Variants in WDR59 observed in about 807,000 individuals in gnomAD.
WDR59 encodes WD repeat domain 59, also known as GATOR2 complex protein WDR59.
In WDR59, 100 loss-of-function variants were observed where a neutral mutation model predicts 131.2. That is an observed-to-expected ratio of 0.76 (90% CI 0.65 to 0.90). WDR59 has a LOEUF of 0.90. Ranked by LOEUF, WDR59 falls within the 40% of genes least tolerant of loss-of-function variation. The pLI, the probability that WDR59 is intolerant of heterozygous loss-of-function variation, is 0.00. For missense variants in WDR59, 1,203 were observed against 1,262.2 expected (o/e 0.95, Z 0.71); for synonymous variants, 601 against 466.2 (o/e 1.29, Z -3.72).
At chr16:74,902,197 T>C (rs974136853) in intron 18 of WDR59, among the ~76,000 whole-genome samples, 9 of 152,218 alleles carry the variant, frequency 5.9e-5, no homozygotes, top group Admixed American at 3.3e-4. Context: ...TATGAAATTA[T>C]AATCAAAGCA....
chr16:74,966,480 AAAAAATAAAT>A (rs2033782387), intron 1 of WDR59, among the ~76,000 whole-genome samples: 2 of 152,076 alleles, frequency 1.3e-5, no homozygotes, highest in African/African-American at 2.4e-5. Flanking sequence ...ACTCCATCTC[AAAAAATAAAT>A]AAAAATAAAT....
intron 14 of WDR59, among the ~76,000 whole-genome samples, chr16:74,911,253 A>T (rs1052015420): frequency 6.6e-6 from 1 of 152,202 alleles, no homozygotes; most frequent in African/African-American, 2.4e-5. Context: ...GTATGTCCAA[A>T]CTAGGCAACG....
rs1183338470 is a variant in WDR59 at position 74,872,583 on chromosome 16, A to AAT, written c.*1624_*1625dup. On this transcript the variant is annotated 3_prime_UTR_variant, in exon 26 of 26. Coordinates refer to ENST00000262144, the MANE Select transcript of WDR59 (RefSeq NM_030581.4). Reference sequence around the variant, plus strand: ...TCTCTCTCTAAAAAAAAAAAAAAAAAATTTAACTTTAAAAAAGAAAATCAT... The same window carrying AAT: ...TCTCTCTCTAAAAAAAAAAAAAAAAAATATTTAACTTTAAAAAAGAAAATCAT... The AAT allele has an allele frequency of 6.6e-6, 1 of 151,884 alleles. No individual in the cohort carries two copies. The highest frequency in any genetic ancestry group is 1.5e-5 in the Non-Finnish European group (1 of 68,018). The allele number at this position is 151,884 out of a possible 1,614,324, so 9.4% of individuals were successfully genotyped here. A position where few individuals can be genotyped will look rare whatever the true frequency, so the allele number is the denominator to read the frequency against.
Position 74,888,877 on chromosome 16 carries a change from T to C in WDR59, c.2196-558A>G, listed in dbSNP as rs114422776. Among the ~76,000 whole-genome samples, 797 of 152,326 alleles carry C rather than the reference T, an allele frequency of 5.2e-3. 9 individuals carry two copies. The highest frequency in any genetic ancestry group is 0.018 in the African/African-American group (759 of 41,572). ...TGTCCTTTAGGTACTCATATCCCCT[T>C]TGTCCTTTCAGGAAGATTATGCTAG... On this transcript the variant is annotated intron_variant, in intron 21 of 25. Transcript: ENST00000262144.
intron 8 of WDR59, among the ~76,000 whole-genome samples, chr16:74,930,168 T>C (rs1342774573): frequency 6.6e-6 from 1 of 152,192 alleles, no homozygotes; most frequent in Non-Finnish European, 1.5e-5. Flanking sequence ...TAATTTATTG[T>C]ACATTTAAGA....
At chr16:74,957,931 A>G (rs937556037) in intron 2 of WDR59, among the ~76,000 whole-genome samples, 1 of 152,230 alleles carries the variant, frequency 6.6e-6, no homozygotes, top group Non-Finnish European at 1.5e-5. Context: ...ATTTCACAGA[A>G]TTTCCAGGAC....
At position 74,874,329 on chromosome 16, in the gene WDR59, G is replaced by A. The variant is rs983096476; in HGVS notation, c.2805C>T (p.Ser935=). Residue 935 remains serine (S), a synonymous_variant, in exon 26 of 26, where the codon TCC becomes TCT. Transcript: ENST00000262144. ...AICHVAVRGS[S]NFCLTCGHGG... ...CGTGCCCACAGGTCAGGCAGAAATT[G>A]GACGATCCCCGCACAGCCACGTGAC... is the stretch of plus-strand genomic sequence containing the variant. 3 of 1,614,042 alleles carry A rather than the reference G, an allele frequency of 1.9e-6. No homozygotes were observed. Among genetic ancestry groups the A allele is most frequent in the Non-Finnish European group, 2.5e-6 (3 of 1,180,048 alleles).
At chr16:74,972,991 G>T (rs1453017927) in intron 1 of WDR59, among the ~76,000 whole-genome samples, 2 of 151,942 alleles carry the variant, frequency 1.3e-5, no homozygotes, top group Non-Finnish European at 2.9e-5. Context: ...CCAGCACTTT[G>T]GGAGGCCGAG....
In WDR59 at chr16:74,913,070, T is replaced by TG. The variant is rs56771975; in HGVS notation, c.1225-709dup. 6.9e-4 allele frequency among the ~76,000 whole-genome samples: 99 copies of TG among 144,344 alleles called. 1 individual carries two copies. The highest frequency in any genetic ancestry group is 2.6e-3 in the African/African-American group (96 of 36,922). 94.7% of individuals were successfully genotyped at this position (144,344 alleles called of 152,430 possible). On this transcript the variant is annotated intron_variant, in intron 13 of 25. Coordinates refer to ENST00000262144, the MANE Select transcript of WDR59 (RefSeq NM_030581.4). ...TTGGGGCCAGTTTATGGCTAGATTT[T>TG]GGGGGGGGGGGGGGCCTGTTCCCAA...
At chr16:74,975,433 C>T (rs1279845819) in intron 1 of WDR59, among the ~76,000 whole-genome samples, 4 of 150,490 alleles carry the variant, frequency 2.7e-5, no homozygotes, top group South Asian at 2.1e-4. Context: ...GAGGCCAAGA[C>T]GGGTGGATCA....
At chr16:74,882,647 T>C (rs1964543528) in intron 25 of WDR59, among the ~76,000 whole-genome samples, 1 of 151,562 alleles carries the variant, frequency 6.6e-6, no homozygotes, top group South Asian at 2.1e-4. Flanking sequence ...TATTGTAGTA[T>C]CTCTACTAAA....
intron 20 of WDR59, among the ~76,000 whole-genome samples, 171 bp downstream of exon 20, chr16:74,892,313 T>A (rs1369680358): frequency 2.6e-5 from 4 of 151,878 alleles, no homozygotes; most frequent in Admixed American, 6.6e-5. Flanking sequence ...AAAGAAAAAA[T>A]TTCCAGCATT....
At chr16:74,899,411 C>T (rs539077301) in intron 18 of WDR59, among the ~76,000 whole-genome samples, 4 of 152,272 alleles carry the variant, frequency 2.6e-5, no homozygotes, top group Admixed American at 1.3e-4. Context: ...GGTAAGCTAA[C>T]GGCTTACAAT....
intron 3 of WDR59, 91 bp from the exon 4 acceptor site, chr16:74,951,634 G>T: frequency 9.2e-7 from 1 of 1,090,950 alleles, no homozygotes; most frequent in Admixed American, 2.0e-5. Context: ...GGAAGCCAGG[G>T]ATCTCATGCA....
chr16:74,885,654 G>A lies in WDR59; in HGVS notation c.2688C>T (p.Ile896=), dbSNP rs147964482. Residue 896 remains isoleucine, a splice_region_variant and synonymous_variant, in exon 25 of 26, where the codon ATC becomes ATT. Coordinates refer to ENST00000262144, the MANE Select transcript of WDR59 (RefSeq NM_030581.4). ...VSCPPDPHKG[I]EFGVYCSHCR... ...GAAGAGAGAGAAATTCATACTCACC[G>A]ATCCCTTTGTGAGGGTCAGGAGGAC... 6.2e-6 allele frequency: 10 copies of A among 1,613,704 alleles called. No homozygotes were observed. The highest frequency in any genetic ancestry group is 1.1e-5 in the South Asian group (1 of 91,024).
At chr16:74,887,661 G>A in intron 23 of WDR59, 22 bp downstream of exon 23, 1 of 1,612,902 alleles carries the variant, frequency 6.2e-7, no homozygotes. Flanking sequence ...TCCAGCGTGG[G>A]CTAAGTCATT....
At chr16:74,935,542 A>G (rs2031731091) in intron 8 of WDR59, among the ~76,000 whole-genome samples, 1 of 151,942 alleles carries the variant, frequency 6.6e-6, no homozygotes, top group African/African-American at 2.4e-5. Context: ...TAGAATTTAG[A>G]AAATAAAAAT....
rs756746481 is a variant in WDR59, at chr16:74,889,700, T to C, written c.2195+3A>G. ...TTTCTCATTTTTAGCTCTCAAAACCTACAGGGACTCCAGCAGCTGCCGCCC... is the reference window on the plus strand; with the variant it reads ...TTTCTCATTTTTAGCTCTCAAAACCCACAGGGACTCCAGCAGCTGCCGCCC... On this transcript the variant is annotated splice_donor_region_variant and intron_variant, in intron 21 of 25. Coordinates refer to ENST00000262144, the MANE Select transcript of WDR59 (RefSeq NM_030581.4). The C allele has an allele frequency of 1.9e-6, 3 of 1,612,282 alleles. No individual in the cohort carries two copies. Among genetic ancestry groups the C allele is most frequent in the Non-Finnish European group, 8.5e-7 (1 of 1,179,328 alleles).
chr16:74,942,423 C>T (rs936316073), intron 7 of WDR59, among the ~76,000 whole-genome samples: 1 of 152,168 alleles, frequency 6.6e-6, no homozygotes, highest in African/African-American at 2.4e-5. Context: ...CTGACACACA[C>T]ACTGTTAGTG....
Sources: allele counts gnomAD v4.1 joint callset (sites outside exome capture counted in the v4.1 genomes callset), GRCh38; gene constraint gnomAD v4.1.1; transcripts MANE v1.5; gene names NCBI Gene and HGNC (gene_info 2026-07-23, HGNC 2026-07-21).